Variants in GATAD2A observed in about 807,000 individuals in gnomAD.
The protein encoded by GATAD2A is GATA zinc finger domain containing 2A, also known as transcriptional repressor p66-alpha.
GATAD2A carries 12 observed loss-of-function variants against 68.5 expected under a neutral mutation model. The observed-to-expected ratio is 0.18, with a 90% CI of 0.11 to 0.28. The LOEUF is 0.28. Ranked by LOEUF, GATAD2A falls within the 10% of genes least tolerant of loss-of-function variation. The pLI is 1.00. For missense variants in GATAD2A, 755 were observed against 868.5 expected (o/e 0.87, Z 1.64); for synonymous variants, 410 against 375.3 (o/e 1.09, Z -1.07).
rs903377191 is a variant in GATAD2A, at chr19:19,501,219, G to A, written c.1306G>A (p.Ala436Thr). ...CCGCTGGCGGGAGGAGAAGAGCGGC[G>A]CCATCATGTGTGAGAACTGCATGAC... ...TCRWREEKSG[A>T]IMCENCMTTN... The change falls in exon 9 of 12, where the codon GCC becomes ACC. Residue 436 changes from alanine to threonine, a missense_variant. By Grantham distance (58) the Ala-to-Thr change is moderately conservative. Coordinates refer to ENST00000683918, the MANE Select transcript of GATAD2A (RefSeq NM_001384528.1). 6.2e-6 allele frequency: 10 copies of A among 1,613,376 alleles called. No homozygotes were observed. In the South Asian group the frequency reaches 8.8e-5, roughly 14 times the overall value.
At chr19:19,403,932 T>G (rs564913776), upstream of GATAD2A, among the ~76,000 whole-genome samples, 57 of 152,280 alleles carry the variant, frequency 3.7e-4, no homozygotes, top group African/African-American at 1.3e-3. Context: ...GTTTTGTTTG[T>G]TTGGTTTCTG....
chr19:19,437,645 C>A (rs1222318948), intron 1 of GATAD2A, among the ~76,000 whole-genome samples: 1 of 152,174 alleles, frequency 6.6e-6, no homozygotes, highest in African/African-American at 2.4e-5. Context: ...GTTGATTTGC[C>A]TGTTGTGGAC....
chr19:19,417,899 T>C (rs2051848580), intron 1 of GATAD2A, among the ~76,000 whole-genome samples: 1 of 152,252 alleles, frequency 6.6e-6, no homozygotes, highest in African/African-American at 2.4e-5. Flanking sequence ...GCTCGACCAG[T>C]GCTGAGCCCC....
intron 1 of GATAD2A, among the ~76,000 whole-genome samples, chr19:19,463,792 C>G (rs1445227930): frequency 6.6e-6 from 1 of 152,200 alleles, no homozygotes; most frequent in African/African-American, 2.4e-5. Flanking sequence ...CCCAGTGTTT[C>G]AAGCCGGTGC....
intron 1 of GATAD2A, among the ~76,000 whole-genome samples, chr19:19,425,236 A>G (rs2052937810): frequency 6.6e-6 from 1 of 152,156 alleles, no homozygotes; most frequent in Admixed American, 6.6e-5. Flanking sequence ...TTTGTTGGGG[A>G]CAAGGCTGGC....
At chr19:19,412,321 A>G (rs1193500335) in intron 1 of GATAD2A, among the ~76,000 whole-genome samples, 1 of 151,516 alleles carries the variant, frequency 6.6e-6, no homozygotes, top group African/African-American at 2.4e-5. Flanking sequence ...ACACCCGGCT[A>G]ATTTTTTGTA....
chr19:19,464,570 T>C (rs1257368345), intron 1 of GATAD2A: 1 of 152,298 alleles, frequency 6.6e-6, no homozygotes, highest in East Asian at 1.9e-4. Flanking sequence ...GGAAAGTGCT[T>C]TGTCTCTCCG....
chr19:19,407,887 C>G (rs1227891915), intron 1 of GATAD2A, among the ~76,000 whole-genome samples: 1 of 152,242 alleles, frequency 6.6e-6, no homozygotes, highest in Non-Finnish European at 1.5e-5. Context: ...TCCCTCCCCT[C>G]CTTCATCTTT....
chr19:19,451,444 C>T (rs12971734), intron 1 of GATAD2A, among the ~76,000 whole-genome samples: 7,010 of 152,280 alleles, frequency 0.046, 247 homozygotes, highest in East Asian at 0.13. Context: ...TCTGAGTTCA[C>T]GCATTGTCCA....
intron 1 of GATAD2A, among the ~76,000 whole-genome samples, chr19:19,425,309 G>C (rs867768416): frequency 9.2e-5 from 14 of 152,132 alleles, no homozygotes; most frequent in African/African-American, 3.1e-4. Context: ...GCCAGATGGA[G>C]CCTTTTGGGA....
intron 2 of GATAD2A, among the ~76,000 whole-genome samples, 179 bp downstream of exon 2, chr19:19,465,793 G>C (rs1235447807): frequency 6.6e-6 from 1 of 152,234 alleles, no homozygotes; most frequent in Admixed American, 6.5e-5. Context: ...GCCATTCCAG[G>C]GCCCCAGGTC....
At chr19:19,473,895 C>G (rs1366201965) in intron 2 of GATAD2A, 1 of 241,676 alleles carries the variant, frequency 4.1e-6, no homozygotes, top group African/African-American at 2.3e-5. Context: ...GCAGTGAGCC[C>G]AGATCACACC....
intron 1 of GATAD2A, among the ~76,000 whole-genome samples, chr19:19,436,400 C>T (rs566371101): frequency 6.6e-6 from 1 of 152,332 alleles, no homozygotes; most frequent in African/African-American, 2.4e-5. Flanking sequence ...TGGCCCGTCC[C>T]TTCAGGCCTC....
intron 1 of GATAD2A, among the ~76,000 whole-genome samples, chr19:19,440,849 G>A (rs955011746): frequency 6.6e-6 from 1 of 152,158 alleles, no homozygotes; most frequent in East Asian, 1.9e-4. Context: ...GACTGTAAAT[G>A]TTTTAGCGAG....
At chr19:19,467,334 C>T (rs2057951326) in intron 2 of GATAD2A, among the ~76,000 whole-genome samples, 1 of 152,170 alleles carries the variant, frequency 6.6e-6, no homozygotes. Context: ...CGAGATCGCG[C>T]CACTGTACTT....
intron 1 of GATAD2A, among the ~76,000 whole-genome samples, chr19:19,409,397 CTCCTAACCCTTGTCTGGTTGG>C (rs2050661488): frequency 6.6e-6 from 1 of 152,136 alleles, no homozygotes; most frequent in Admixed American, 6.6e-5. Flanking sequence ...CTGGGATTTC[CTCCTAACCCTTGTCTGGTTGG>C]GAAGTGTGGC....
intron 1 of GATAD2A, among the ~76,000 whole-genome samples, chr19:19,389,749 T>C (rs2048708521): frequency 6.6e-6 from 1 of 152,158 alleles, no homozygotes; most frequent in South Asian, 2.1e-4. Context: ...GAGAAGTGCC[T>C]GCACGTATTT....
chr19:19,494,193 ACAGT>A lies in GATAD2A; in HGVS notation c.535-95_535-92del, dbSNP rs140912240. ...GCGCCTGATGCCGTAGAGGAGGAAG[ACAGT>A]CAGTCCTCTTCGGCAGCATTAAATC... is the stretch of plus-strand genomic sequence containing the variant. On this transcript the variant is annotated intron_variant, in intron 4 of 11. Coordinates refer to ENST00000683918, the MANE Select transcript of GATAD2A (RefSeq NM_001384528.1). The A allele has an allele frequency of 3.6e-3, 2,282 of 629,396 alleles. 35 individuals are homozygous for A. The highest frequency in any genetic ancestry group is 0.035 in the African/African-American group (1,910 of 54,860). 39.0% of individuals were successfully genotyped at this position (629,396 alleles called of 1,614,324 possible).
intron 2 of GATAD2A, among the ~76,000 whole-genome samples, chr19:19,468,404 C>G (rs1171373453): frequency 6.6e-6 from 1 of 151,262 alleles, no homozygotes; most frequent in Non-Finnish European, 1.5e-5. Context: ...GATAGAAAAA[C>G]TATTTGAAGA....
Sources: allele counts gnomAD v4.1 joint callset (sites outside exome capture counted in the v4.1 genomes callset), GRCh38; gene constraint gnomAD v4.1.1; transcripts MANE v1.5; gene names NCBI Gene and HGNC (gene_info 2026-07-23, HGNC 2026-07-21).